Variants in CATSPERT observed in about 807,000 individuals in gnomAD.
The protein encoded by CATSPERT is catsper channel auxiliary subunit tau.
At chr2:201,609,924 A>G in the CATSPERT span, among the ~76,000 whole-genome samples, 1 of 152,202 alleles carries the variant, frequency 6.6e-6, no homozygotes, top group Non-Finnish European at 1.5e-5. Flanking sequence ...TTACTAAAGT[A>G]ACCAAGAAAA....
chr2:201,572,923 A>T, the CATSPERT span, among the ~76,000 whole-genome samples: 13 of 152,202 alleles, frequency 8.5e-5, no homozygotes, highest in African/African-American at 2.9e-4. Flanking sequence ...AATAAGGCTG[A>T]TGTCTTCACT....
At chr2:201,566,940 T>C in the CATSPERT span, among the ~76,000 whole-genome samples, 1 of 152,220 alleles carries the variant, frequency 6.6e-6, no homozygotes, top group Non-Finnish European at 1.5e-5. Context: ...TTAGATCCTA[T>C]TTCATATATA....
At chr2:201,548,239 G>A in the CATSPERT span, among the ~76,000 whole-genome samples, 2 of 152,066 alleles carry the variant, frequency 1.3e-5, no homozygotes, top group Non-Finnish European at 2.9e-5. Flanking sequence ...TAGAGGCCAG[G>A]AATTCCAAGA....
chr2:201,586,668 A>G, the CATSPERT span, among the ~76,000 whole-genome samples: 1 of 152,102 alleles, frequency 6.6e-6, no homozygotes, highest in African/African-American at 2.4e-5. Context: ...GCATAGAGTT[A>G]TATATGGTAT....
the CATSPERT span, among the ~76,000 whole-genome samples, chr2:201,588,571 A>C: frequency 6.8e-6 from 1 of 148,014 alleles, no homozygotes; most frequent in South Asian, 2.2e-4. Flanking sequence ...AGCCAACATC[A>C]CACTGAATGG....
At chr2:201,617,132 C>T in the CATSPERT span, among the ~76,000 whole-genome samples, 1 of 152,154 alleles carries the variant, frequency 6.6e-6, no homozygotes, top group Non-Finnish European at 1.5e-5. Flanking sequence ...GACCATACTG[C>T]CCAAGGTAAT....
At chr2:201,544,321 G>A in the CATSPERT span, among the ~76,000 whole-genome samples, 63,982 of 151,984 alleles carry the variant, frequency 0.42, 14,083 homozygotes, top group East Asian at 0.75. Context: ...ATAAACATAC[G>A]TGTGCATGTG....
At chr2:201,507,330 G>T in the CATSPERT span, among the ~76,000 whole-genome samples, 1 of 152,096 alleles carries the variant, frequency 6.6e-6, no homozygotes, top group African/African-American at 2.4e-5. Flanking sequence ...ATGAACAGGA[G>T]CTATGAAATA....
the CATSPERT span, among the ~76,000 whole-genome samples, chr2:201,521,214 T>G: frequency 5.9e-5 from 9 of 152,236 alleles, no homozygotes; most frequent in East Asian, 1.4e-3. Context: ...TCCAAAAAAT[T>G]GAAGCAGATA....
the CATSPERT span, among the ~76,000 whole-genome samples, chr2:201,515,255 G>A: frequency 1.5e-5 from 1 of 67,852 alleles, no homozygotes; most frequent in Non-Finnish European, 2.8e-5. Context: ...TTTTTTTTGA[G>A]ACAGAGTCTT....
chr2:201,495,742 A>G, the CATSPERT span, among the ~76,000 whole-genome samples: 3 of 144,344 alleles, frequency 2.1e-5, no homozygotes, highest in South Asian at 6.5e-4. Flanking sequence ...CCAAGTTGAG[A>G]TTCATTAGGT....
the CATSPERT span, chr2:201,604,811 T>C: frequency 6.8e-4 from 392 of 577,182 alleles, 1 homozygote; most frequent in African/African-American, 6.4e-3. Flanking sequence ...TCCTCGGTAT[T>C]GGGGTATTAA....
At chr2:201,503,753 T>C in the CATSPERT span, among the ~76,000 whole-genome samples, 3 of 133,200 alleles carry the variant, frequency 2.3e-5, no homozygotes, top group Non-Finnish European at 3.3e-5. Context: ...ATGTTGTTGA[T>C]TGATAAATTT....
the CATSPERT span, among the ~76,000 whole-genome samples, chr2:201,523,542 T>C: frequency 6.6e-6 from 1 of 152,164 alleles, no homozygotes; most frequent in Admixed American, 6.5e-5. Flanking sequence ...CTCACACAGA[T>C]GAGAATGAAC....
At chr2:201,618,088 G>C in the CATSPERT span, among the ~76,000 whole-genome samples, 1 of 152,194 alleles carries the variant, frequency 6.6e-6, no homozygotes, top group African/African-American at 2.4e-5. Flanking sequence ...TGGAGAAATA[G>C]GAACGCTTTT....
the CATSPERT span, among the ~76,000 whole-genome samples, chr2:201,551,859 G>C: frequency 6.7e-6 from 1 of 149,616 alleles, no homozygotes; most frequent in Non-Finnish European, 1.5e-5. Flanking sequence ...AGTGAGCTGA[G>C]ATCGCACCAT....
the CATSPERT span, among the ~76,000 whole-genome samples, chr2:201,559,943 A>C: frequency 6.6e-6 from 1 of 152,222 alleles, no homozygotes; most frequent in Non-Finnish European, 1.5e-5. Flanking sequence ...TCATAAGGAA[A>C]TACATGAAAT....
chr2:201,559,392 G>A, the CATSPERT span, among the ~76,000 whole-genome samples: 25 of 152,318 alleles, frequency 1.6e-4, no homozygotes, highest in Admixed American at 3.9e-4. Context: ...GGCCAGCAAA[G>A]CAGCTGTGCC....
the CATSPERT span, chr2:201,582,112 G>A: frequency 6.2e-7 from 1 of 1,603,912 alleles, no homozygotes. Context: ...ACCTCATAAA[G>A]ATGTATCTGA....
Sources: gnomAD v4.1 joint callset for allele counts (sites outside exome capture counted in the v4.1 genomes callset) on GRCh38, gnomAD v4.1.1 for gene constraint, MANE v1.5 for transcripts, NCBI Gene and HGNC (gene_info 2026-07-23, HGNC 2026-07-21) for gene names.